STAM: variants seen among roughly 807,000 people sequenced by gnomAD.
The protein encoded by STAM is signal transducing adaptor molecule.
In STAM, 16 loss-of-function variants were observed where a neutral mutation model predicts 63.4. The observed-to-expected ratio is 0.25, with a 90% confidence interval of 0.17 to 0.38. The LOEUF (loss-of-function observed/expected upper bound fraction) is 0.38, where lower values mean the gene tolerates loss of function less well. Ranked by LOEUF, STAM falls within the 10% of genes least tolerant of loss-of-function variation. The probability of loss-of-function intolerance (pLI) is 1.00; values close to 1 mark genes in which losing one functional copy is unlikely to be tolerated. For missense variants in STAM, 636 were observed against 657.1 expected, an observed-to-expected ratio of 0.97 and a Z score of 0.35; for synonymous variants, 238 against 223.9, an observed-to-expected ratio of 1.06 and a Z score of -0.56.
intron 8 of STAM, among the ~76,000 whole-genome samples, chr10:17,699,021 G>T (rs143008089): frequency 1.1e-4 from 16 of 152,176 alleles, no homozygotes; most frequent in Non-Finnish European, 1.8e-4. Context: ...AGCTATTTCT[G>T]TGTTATACAG....
chr10:17,666,618 C>T (rs1242338167), intron 2 of STAM, among the ~76,000 whole-genome samples: 2 of 151,900 alleles, frequency 1.3e-5, no homozygotes, highest in African/African-American at 4.8e-5. Context: ...AGGATGGTCT[C>T]GATATCCTGA....
intron 2 of STAM, among the ~76,000 whole-genome samples, chr10:17,681,087 A>G (rs1221311772): frequency 6.6e-6 from 1 of 152,060 alleles, no homozygotes; most frequent in Non-Finnish European, 1.5e-5. Flanking sequence ...CATTCCCACC[A>G]ACAGTGCACA....
At position 17,660,646 on chromosome 10, in the gene STAM, T is replaced by G. The variant is rs1834130371; in HGVS notation, c.125+98T>G. 8.6e-6 allele frequency: 7 copies of G among 811,632 alleles called. No homozygotes were observed. In the South Asian group the frequency reaches 1.4e-4, roughly 16 times the overall value. 50.3% of individuals were successfully genotyped at this position (811,632 alleles called of 1,614,324 possible). Reference sequence around the variant, plus strand: ...TGCACCTGTAGGCCCAGCCCCTCGGTAGGATGAGGTGGGAGGATCGCTTGA... The same window carrying G: ...TGCACCTGTAGGCCCAGCCCCTCGGGAGGATGAGGTGGGAGGATCGCTTGA... On this transcript the variant is annotated intron_variant, in intron 2 of 13. Coordinates refer to ENST00000377524, the MANE Select transcript of STAM (RefSeq NM_003473.4).
chr10:17,710,699 G>C (rs539080382), intron 13 of STAM, among the ~76,000 whole-genome samples: 3 of 152,078 alleles, frequency 2.0e-5, no homozygotes, highest in Non-Finnish European at 4.4e-5. Context: ...TTGAGAGCTG[G>C]CACTGTCTTT....
At chr10:17,650,932 G>T (rs1447737734) in intron 1 of STAM, among the ~76,000 whole-genome samples, 1 of 151,318 alleles carries the variant, frequency 6.6e-6, no homozygotes, top group Non-Finnish European at 1.5e-5. Context: ...GGGCGTAGTG[G>T]CGGGCGCCTG....
At chr10:17,648,158 C>T (rs1296186224) in intron 1 of STAM, among the ~76,000 whole-genome samples, 1 of 152,144 alleles carries the variant, frequency 6.6e-6, no homozygotes. Flanking sequence ...ATTTCATTGA[C>T]AGGTGAAACT....
chr10:17,651,956 A>G (rs995330122), intron 1 of STAM, among the ~76,000 whole-genome samples: 6 of 152,210 alleles, frequency 3.9e-5, no homozygotes, highest in African/African-American at 7.2e-5. Flanking sequence ...TATCAGAAAA[A>G]GTTCTCTAAT....
chr10:17,660,492 T>C lies in STAM; in HGVS notation c.69T>C (p.Ala23=). ...VEKATSEMNT[A]EDWGLILDIC... ...AAGCAACCAGCGAGATGAATACTGCTGAGGACTGGGGCCTCATTTTGGATA... is the reference window on the plus strand; with the variant it reads ...AAGCAACCAGCGAGATGAATACTGCCGAGGACTGGGGCCTCATTTTGGATA... The change falls in exon 2 of 14, where the codon GCT becomes GCC. Residue 23 remains alanine, a synonymous_variant. Transcript: ENST00000377524. 3 of 1,607,608 alleles carry C rather than the reference T, an allele frequency of 1.9e-6. No homozygotes were observed. Among genetic ancestry groups the C allele is most frequent in the South Asian group, 2.2e-5 (2 of 90,092 alleles).
chr10:17,691,576 A>T (rs1279583206), intron 5 of STAM, among the ~76,000 whole-genome samples: 2 of 152,200 alleles, frequency 1.3e-5, no homozygotes, highest in Admixed American at 6.5e-5. Flanking sequence ...CAGTTAAGTG[A>T]GGAATGTAGA....
In STAM at chr10:17,714,868, C is replaced by G; in HGVS notation, c.*88C>G. 1 of 1,272,182 alleles carries G rather than the reference C, an allele frequency of 7.9e-7. No individual in the cohort carries two copies. Among genetic ancestry groups the G allele is most frequent in the Non-Finnish European group, 1.1e-6 (1 of 878,076 alleles). 78.8% of individuals were successfully genotyped at this position (1,272,182 alleles called of 1,614,324 possible). On this transcript the variant is annotated 3_prime_UTR_variant, in exon 14 of 14. Transcript: ENST00000377524. ...ATTACTATCTTAAGATGTGTTTATC[C>G]TCAGCTTATAGGAATCTCTCCAGGT...
chr10:17,644,318 G>C lies in STAM; in HGVS notation c.-22G>C. 1 of 1,614,088 alleles carries C rather than the reference G, an allele frequency of 6.2e-7. No individual in the cohort carries two copies. The highest frequency in any genetic ancestry group is 1.6e-4 in the Middle Eastern group (1 of 6,062). On this transcript the variant is annotated 5_prime_UTR_variant, in exon 1 of 14. Transcript: ENST00000377524. ...GTGCTGTCGAGAGGGAGTCCCCGGG[G>C]ACACCTCGGCACGCAGCGGAGATGC...
At chr10:17,644,518 G>C (rs782567044) in intron 1 of STAM, 139 bp downstream of exon 1, 19 of 1,003,012 alleles carry the variant, frequency 1.9e-5, no homozygotes, top group African/African-American at 3.3e-5. Flanking sequence ...CCCTCCTTCA[G>C]AGCTGGGAGG....
chr10:17,655,927 T>A (rs192941994), intron 1 of STAM, among the ~76,000 whole-genome samples: 80 of 150,646 alleles, frequency 5.3e-4, no homozygotes, highest in Admixed American at 3.5e-3. Context: ...TTTTTTAAAG[T>A]TTTTTTTCCT....
chr10:17,698,903 A>G (rs1835872576), intron 8 of STAM, among the ~76,000 whole-genome samples: 1 of 152,204 alleles, frequency 6.6e-6, no homozygotes, highest in South Asian at 2.1e-4. Flanking sequence ...TAAAAAGCAA[A>G]ATGTCTGCAG....
At chr10:17,705,927 C>G (rs1554829199) in intron 12 of STAM, among the ~76,000 whole-genome samples, 186 bp downstream of exon 12, 2 of 151,108 alleles carry the variant, frequency 1.3e-5, no homozygotes, top group East Asian at 3.9e-4. Flanking sequence ...AAAAAATTAG[C>G]CAGGCTGGGG....
At chr10:17,683,141 G>A (rs1554825639) in intron 2 of STAM, among the ~76,000 whole-genome samples, 1 of 151,966 alleles carries the variant, frequency 6.6e-6, no homozygotes, top group Non-Finnish European at 1.5e-5. Context: ...TCAATCAAAT[G>A]GTTTTTATGG....
chr10:17,701,348 G>C (rs1237806674), intron 9 of STAM, among the ~76,000 whole-genome samples: 1 of 152,140 alleles, frequency 6.6e-6, no homozygotes, highest in African/African-American at 2.4e-5. Context: ...ATTAACAACT[G>C]TTGAGTTAAT....
intron 1 of STAM, among the ~76,000 whole-genome samples, chr10:17,657,829 G>C (rs1834000996): frequency 6.7e-6 from 1 of 150,258 alleles, no homozygotes; most frequent in African/African-American, 2.4e-5. Context: ...TCTGATATTA[G>C]TAATTGGTGT....
intron 8 of STAM, among the ~76,000 whole-genome samples, chr10:17,698,960 T>A (rs951611459): frequency 2.6e-5 from 4 of 152,224 alleles, no homozygotes; most frequent in African/African-American, 9.6e-5. Flanking sequence ...CTGTAGAATT[T>A]TGCTTTTGGT....
Sources: allele counts gnomAD v4.1 joint callset (sites outside exome capture counted in the v4.1 genomes callset), GRCh38; gene constraint gnomAD v4.1.1; transcripts MANE v1.5; gene names NCBI Gene and HGNC (gene_info 2026-07-23, HGNC 2026-07-21).